The following C4BPA variants were observed in gnomAD, a reference collection of about 807,000 sequenced individuals.
The protein encoded by C4BPA is complement component 4 binding protein alpha.
In C4BPA, 31 loss-of-function variants were observed where a neutral mutation model predicts 63.7. The observed-to-expected ratio is 0.49, with a 90% CI of 0.37 to 0.66. The LOEUF (loss-of-function observed/expected upper bound fraction) is 0.66, where lower values mean the gene tolerates loss of function less well. Ranked by LOEUF, C4BPA falls within the 30% of genes least tolerant of loss-of-function variation. The pLI, the probability that C4BPA is intolerant of heterozygous loss-of-function variation, is 0.00. For missense variants in C4BPA, 572 were observed against 723.3 expected, an observed-to-expected ratio of 0.79 and a Z score of 2.40; for synonymous variants, 259 against 254.7, an observed-to-expected ratio of 1.02 and a Z score of -0.16.
intron 8 of C4BPA, among the ~76,000 whole-genome samples, chr1:207,132,324 A>T (rs993607781): frequency 1.3e-4 from 20 of 152,238 alleles, no homozygotes; most frequent in African/African-American, 3.6e-4. Context: ...TGTGGAAATG[A>T]GTGAGGGACT....
At chr1:207,131,812 A>G in intron 8 of C4BPA, 72 bp downstream of exon 8, 1 of 1,021,862 alleles carries the variant, frequency 9.8e-7, no homozygotes, top group Non-Finnish European at 1.4e-6. Flanking sequence ...ACCTTAAATG[A>G]ATATAATTTT....
chr1:207,128,534 C>T (rs1302102299), intron 7 of C4BPA, among the ~76,000 whole-genome samples: 1 of 152,092 alleles, frequency 6.6e-6, no homozygotes, highest in Non-Finnish European at 1.5e-5. Context: ...AAAAGTAGAA[C>T]AATCAGATAA....
chr1:207,133,358 A>T (rs946753649), intron 8 of C4BPA, among the ~76,000 whole-genome samples: 1 of 152,196 alleles, frequency 6.6e-6, no homozygotes, highest in Non-Finnish European at 1.5e-5. Flanking sequence ...GTAATATTTT[A>T]TTCTGTTTTG....
At chr1:207,142,077 A>AC (rs1685429758) in intron 10 of C4BPA, among the ~76,000 whole-genome samples, 1 of 68,536 alleles carries the variant, frequency 1.5e-5, no homozygotes, top group Non-Finnish European at 3.2e-5. Flanking sequence ...CTTGCCCCCC[A>AC]CCCCCCGACA....
At chr1:207,141,391 T>A in intron 10 of C4BPA, 115 bp downstream of exon 10, 2 of 762,786 alleles carry the variant, frequency 2.6e-6, no homozygotes, top group Non-Finnish European at 4.1e-6. Flanking sequence ...ATTTGATTTA[T>A]ATTAAATAAT....
At position 207,126,871 on chromosome 1, in the gene C4BPA, C is replaced by A; in HGVS notation, c.865C>A (p.Pro289Thr). The A allele has an allele frequency of 6.2e-7, 1 of 1,612,626 alleles. No homozygotes were observed. The highest frequency in any genetic ancestry group is 2.2e-5 in the East Asian group (1 of 44,810). Residue 289 changes from proline to threonine, a missense_variant, in exon 7 of 12, where the codon CCT becomes ACT. Pro to Thr is a conservative substitution (Grantham distance 38, BLOSUM62 -1). This residue lies in a region of C4BPA where 465 missense variants were observed against 629.4 expected (regional missense o/e 0.74). Coordinates refer to ENST00000367070, the MANE Select transcript of C4BPA (RefSeq NM_000715.4). ...IHCDADSKWN[P>T]SPPACEPNSC... ...TTGTGATGCTGATAGCAAATGGAAT[C>A]CTTCTCCTCCTGCTTGTGAGCCCAG... is the stretch of plus-strand genomic sequence containing the variant.
At chr1:207,117,906 T>C (rs537571431) in intron 4 of C4BPA, among the ~76,000 whole-genome samples, 1 of 152,262 alleles carries the variant, frequency 6.6e-6, no homozygotes, top group Admixed American at 6.5e-5. Context: ...GCCAAACTGG[T>C]CTATTTTGGC....
intron 7 of C4BPA, among the ~76,000 whole-genome samples, chr1:207,129,072 A>G (rs1685108751): frequency 6.6e-6 from 1 of 152,204 alleles, no homozygotes; most frequent in Non-Finnish European, 1.5e-5. Context: ...TGACAGTTTT[A>G]TCAAATAGAA....
At chr1:207,108,633 AAAT>A (rs1415761752) in intron 1 of C4BPA, among the ~76,000 whole-genome samples, 1 of 152,226 alleles carries the variant, frequency 6.6e-6, no homozygotes, top group African/African-American at 2.4e-5. Flanking sequence ...AGACAGAATA[AAAT>A]AATTATTAAC....
intron 4 of C4BPA, among the ~76,000 whole-genome samples, chr1:207,116,598 T>G (rs1684796580): frequency 6.6e-6 from 1 of 151,548 alleles, no homozygotes; most frequent in Non-Finnish European, 1.5e-5. Context: ...TTTTTCCCCT[T>G]AAGGAGAAAT....
chr1:207,106,174 T>C (rs553656782), intron 1 of C4BPA, among the ~76,000 whole-genome samples: 5 of 152,264 alleles, frequency 3.3e-5, no homozygotes, highest in African/African-American at 9.6e-5. Flanking sequence ...TGTGGCCAGC[T>C]GGTTTCTGCT....
intron 1 of C4BPA, among the ~76,000 whole-genome samples, chr1:207,107,632 G>A (rs1042820551): frequency 1.3e-5 from 2 of 152,146 alleles, no homozygotes; most frequent in Non-Finnish European, 2.9e-5. Flanking sequence ...GAGAAATGAT[G>A]GGAAAACTGG....
chr1:207,127,042 G>T (rs1252328099), intron 7 of C4BPA, 147 bp downstream of exon 7: 1 of 605,670 alleles, frequency 1.7e-6, no homozygotes, highest in Admixed American at 3.3e-5. Context: ...TTTTTTTCTT[G>T]TTGGAAAGAA....
intron 2 of C4BPA, 77 bp downstream of exon 2, chr1:207,113,244 A>C: frequency 1.2e-5 from 18 of 1,480,690 alleles, no homozygotes; most frequent in Non-Finnish European, 1.6e-5. Context: ...AGGCTAAAAA[A>C]AATGATGACT....
chr1:207,117,356 T>C (rs1209866095), intron 4 of C4BPA, among the ~76,000 whole-genome samples: 1 of 152,070 alleles, frequency 6.6e-6, no homozygotes, highest in East Asian at 1.9e-4. Flanking sequence ...CAGGCTGAGG[T>C]GGCAGGATCA....
Position 207,106,457 on chromosome 1 carries a change from T to TTTTTTTTTTG in C4BPA, c.-26+2027_-26+2028insTTTTTTTTTG, listed in dbSNP as rs905722793. Among the ~76,000 whole-genome samples, 8 of 129,644 alleles carry TTTTTTTTTTG rather than the reference T, an allele frequency of 6.2e-5. 1 individual carries two copies. Among genetic ancestry groups the TTTTTTTTTTG allele is most frequent in the African/African-American group, 2.7e-4 (8 of 30,168 alleles). The allele number at this position is 129,644 out of a possible 152,430, so 85.1% of individuals were successfully genotyped here. On this transcript the variant is annotated intron_variant, in intron 1 of 11. Transcript: ENST00000367070. ...TCCGTGTAAGTTTTTTTTTTTTTTT[T>TTTTTTTTTTG]GAAACGGAGTCTCGCTTTGTTGCCC... is the stretch of plus-strand genomic sequence containing the variant.
At chr1:207,107,919 A>G (rs1684591953) in intron 1 of C4BPA, among the ~76,000 whole-genome samples, 1 of 152,188 alleles carries the variant, frequency 6.6e-6, no homozygotes, top group Non-Finnish European at 1.5e-5. Flanking sequence ...CAAGGAGGTG[A>G]GACAGAGGAG....
intron 9 of C4BPA, among the ~76,000 whole-genome samples, chr1:207,137,533 TTG>T (rs1325623901): frequency 1.3e-5 from 2 of 152,172 alleles, no homozygotes; most frequent in Non-Finnish European, 2.9e-5. Flanking sequence ...TGGTAATTGG[TTG>T]AATTATTATC....
In C4BPA at chr1:207,126,902, A is replaced by G. The variant is rs1241306290; in HGVS notation, c.889+7A>G. ...CCTCCTGCTTGTGAGCCCAGTAAGTATGGACTGTGACAGAATTTCAATGTT... is the reference window on the plus strand; with the variant it reads ...CCTCCTGCTTGTGAGCCCAGTAAGTGTGGACTGTGACAGAATTTCAATGTT... On this transcript the variant is annotated splice_region_variant and intron_variant, in intron 7 of 11. Coordinates refer to ENST00000367070, the MANE Select transcript of C4BPA (RefSeq NM_000715.4). The G allele has an allele frequency of 6.2e-7, 1 of 1,607,906 alleles. No individual in the cohort carries two copies. The highest frequency in any genetic ancestry group is 8.5e-7 in the Non-Finnish European group (1 of 1,175,986).
Sources: allele counts gnomAD v4.1 joint callset (sites outside exome capture counted in the v4.1 genomes callset), GRCh38; gene constraint gnomAD v4.1.1; regional missense constraint gnomAD v4.1.1; transcripts MANE v1.5; gene names NCBI Gene and HGNC (gene_info 2026-07-23, HGNC 2026-07-21).